Variants in NRXN3 observed in about 807,000 individuals in gnomAD.
NRXN3 encodes neurexin 3.
In NRXN3, 32 loss-of-function variants were observed where a neutral mutation model predicts 137.6. The observed-to-expected ratio is 0.23, with a 90% CI of 0.18 to 0.31. The LOEUF is 0.31. NRXN3 is among the 10% of genes least tolerant of loss of function. The pLI is 1.00. For synonymous variants in NRXN3, 798 were observed against 784.5 expected, an observed-to-expected ratio of 1.02 and a Z score of -0.29; for missense variants, 1,574 against 2,062.5, an observed-to-expected ratio of 0.76 and a Z score of 4.59.
intron 4 of NRXN3, among the ~76,000 whole-genome samples, chr14:78,522,823 T>C (rs1481186175): frequency 6.6e-6 from 1 of 152,188 alleles, no homozygotes; most frequent in Non-Finnish European, 1.5e-5. Context: ...AAGGCTAGAC[T>C]ACTAGCAGGC....
intron 8 of NRXN3, among the ~76,000 whole-genome samples, chr14:78,799,660 G>C (rs2098832635): frequency 6.6e-6 from 1 of 152,150 alleles, no homozygotes; most frequent in South Asian, 2.1e-4. Context: ...CCAGAGACTG[G>C]ATAATTTATA....
chr14:79,329,841 G>T (rs1439239589), intron 15 of NRXN3, among the ~76,000 whole-genome samples: 1 of 139,088 alleles, frequency 7.2e-6, no homozygotes, highest in Non-Finnish European at 1.5e-5. Flanking sequence ...GTGATCAAAA[G>T]AGTTTTTTTT....
chr14:78,182,533 G>C (rs1434192278), intron 1 of NRXN3, among the ~76,000 whole-genome samples: 1 of 152,288 alleles, frequency 6.6e-6, no homozygotes, highest in East Asian at 1.9e-4. Context: ...GCAATGGCGC[G>C]ATCTTGGCTC....
chr14:78,905,073 T>C (rs1423681994), intron 10 of NRXN3, among the ~76,000 whole-genome samples: 1 of 152,042 alleles, frequency 6.6e-6, no homozygotes, highest in Non-Finnish European at 1.5e-5. Flanking sequence ...TCAGTGTGGA[T>C]TGCATCTTGT....
intron 10 of NRXN3, among the ~76,000 whole-genome samples, chr14:78,820,425 TAAAAAAAAAAAA>T (rs10632138): frequency 8.3e-6 from 1 of 120,994 alleles, no homozygotes; most frequent in East Asian, 2.4e-4. Context: ...ATGTTATTTC[TAAAAAAAAAAAA>T]AAAAAAAAAT....
chr14:78,960,199 A>G (rs2099405379), intron 11 of NRXN3, among the ~76,000 whole-genome samples: 1 of 152,196 alleles, frequency 6.6e-6, no homozygotes, highest in Non-Finnish European at 1.5e-5. Flanking sequence ...TGCTGATGGA[A>G]GAAAGCAGCC....
At chr14:79,492,066 C>G (rs2096722460) in intron 16 of NRXN3, among the ~76,000 whole-genome samples, 2 of 152,104 alleles carry the variant, frequency 1.3e-5, no homozygotes, top group Non-Finnish European at 2.9e-5. Flanking sequence ...AACTAGAAAG[C>G]CCACATCAGG....
intron 8 of NRXN3, among the ~76,000 whole-genome samples, chr14:78,748,713 T>C (rs2098626155): frequency 6.6e-6 from 1 of 152,070 alleles, no homozygotes; most frequent in South Asian, 2.1e-4. Flanking sequence ...GATTGAGCTA[T>C]AGAGGAAGAG....
intron 10 of NRXN3, among the ~76,000 whole-genome samples, chr14:78,924,259 A>G (rs183490201): frequency 6.6e-6 from 1 of 152,320 alleles, no homozygotes; most frequent in African/African-American, 2.4e-5. Flanking sequence ...AAACAAAAAA[A>G]CTTTAATACG....
At chr14:79,261,318 A>G (rs1385866481) in intron 15 of NRXN3, among the ~76,000 whole-genome samples, 1 of 152,108 alleles carries the variant, frequency 6.6e-6, no homozygotes, top group Non-Finnish European at 1.5e-5. Context: ...GTTGAATGAG[A>G]TGTGTTCTCC....
chr14:78,566,393 T>C (rs56719511), intron 4 of NRXN3, among the ~76,000 whole-genome samples: 8,968 of 150,868 alleles, frequency 0.059, 448 homozygotes, highest in African/African-American at 0.15. Context: ...TTTTTTTTTT[T>C]CTCTCCCCCT....
chr14:78,913,274 C>CTTTTTTTTTTTTTTTTTTTTT lies in NRXN3; in HGVS notation c.2276-43964_2276-43944dup, dbSNP rs1157942892. On this transcript the variant is annotated intron_variant, in intron 10 of 20. Coordinates refer to ENST00000335750, the MANE Select transcript of NRXN3 (RefSeq NM_001330195.2). The stretch of plus-strand genomic sequence containing the variant: ...TCTTTCTTTCTTTCTTTCTTTCTTT[C>CTTTTTTTTTTTTTTTTTTTTT]TTTTTTTTTTTTTTTTTTTTTTTTG... Among the ~76,000 whole-genome samples the CTTTTTTTTTTTTTTTTTTTTT allele has an allele frequency of 3.6e-4, 17 of 47,854 alleles. 1 individual carries two copies. The highest frequency in any genetic ancestry group is 4.6e-4 in the Non-Finnish European group (13 of 28,184). The allele number at this position is 47,854 out of a possible 152,430, so 31.4% of individuals were successfully genotyped here.
At chr14:79,081,038 C>T (rs1248855502) in intron 15 of NRXN3, among the ~76,000 whole-genome samples, 1 of 152,122 alleles carries the variant, frequency 6.6e-6, no homozygotes, top group Non-Finnish European at 1.5e-5. Context: ...ATAACCAGCA[C>T]GTTTTTTAGC....
chr14:79,046,178 C>A (rs1009316713), intron 15 of NRXN3, among the ~76,000 whole-genome samples: 1 of 152,118 alleles, frequency 6.6e-6, no homozygotes, highest in Non-Finnish European at 1.5e-5. Flanking sequence ...CTGAAAGCTT[C>A]CTTCCCCTCC....
chr14:79,175,003 C>T (rs1438234168), intron 15 of NRXN3, among the ~76,000 whole-genome samples: 28 of 136,802 alleles, frequency 2.0e-4, no homozygotes, highest in Non-Finnish European at 3.7e-4. Context: ...TTTTCTGAGG[C>T]GGAGTCTCTC....
At chr14:79,466,458 C>G (rs141977164) in intron 15 of NRXN3, among the ~76,000 whole-genome samples, 1 of 151,864 alleles carries the variant, frequency 6.6e-6, no homozygotes. Context: ...CGTGGTGGCA[C>G]GTGCCTGTAG....
rs143874487 is a variant in NRXN3 at position 78,327,743 on chromosome 14, A to C, written c.757+29883A>C. On this transcript the variant is annotated intron_variant, in intron 4 of 20. Transcript: ENST00000335750. ...TTCCATTTCAGAGGAGGAGGCAGGC[A>C]TCAAAAGAAGAAGTATATACTACAT... Among the ~76,000 whole-genome samples the C allele has an allele frequency of 1.8e-3, 280 of 152,310 alleles. 1 individual carries two copies. Among genetic ancestry groups the C allele is most frequent in the African/African-American group, 6.3e-3 (260 of 41,572 alleles).
chr14:78,987,403 A>G (rs551391482), intron 14 of NRXN3, among the ~76,000 whole-genome samples: 248 of 152,310 alleles, frequency 1.6e-3, no homozygotes, highest in African/African-American at 5.6e-3. Flanking sequence ...GGAGGTAATC[A>G]TAATTACTTA....
At chr14:79,079,762 G>T (rs922816491) in intron 15 of NRXN3, among the ~76,000 whole-genome samples, 3 of 152,124 alleles carry the variant, frequency 2.0e-5, no homozygotes, top group Non-Finnish European at 4.4e-5. Context: ...GGCCGAGGCG[G>T]GTGGATCACA....
Sources: allele counts gnomAD v4.1 joint callset (sites outside exome capture counted in the v4.1 genomes callset), GRCh38; gene constraint gnomAD v4.1.1; transcripts MANE v1.5; gene names NCBI Gene and HGNC (gene_info 2026-07-23, HGNC 2026-07-21).